Variants in MYO3B observed in about 807,000 individuals in gnomAD.
MYO3B encodes myosin-IIIb.
In MYO3B, 156 loss-of-function variants were observed where a neutral mutation model predicts 174.6. The observed-to-expected ratio is 0.89, with a 90% CI of 0.78 to 1.02. MYO3B has a LOEUF of 1.02. Ranked by LOEUF, MYO3B falls within the 50% of genes least tolerant of loss-of-function variation. The probability of loss-of-function intolerance (pLI) is 0.00; values close to 1 mark genes in which losing one functional copy is unlikely to be tolerated. For missense variants in MYO3B, 1,632 were observed against 1,639.4 expected (o/e 1.00, Z 0.08); for synonymous variants, 563 against 569.1 (o/e 0.99, Z 0.15).
rs768198095 is a variant in MYO3B at position 170,499,816 on chromosome 2, G to A, written c.3289+8G>A. 1 of 1,613,316 alleles carries A rather than the reference G, an allele frequency of 6.2e-7. No individual in the cohort carries two copies. Among genetic ancestry groups the A allele is most frequent in the South Asian group, 1.1e-5 (1 of 91,010 alleles). On this transcript the variant is annotated splice_region_variant and intron_variant, in intron 27 of 34. Coordinates refer to ENST00000408978, the MANE Select transcript of MYO3B (RefSeq NM_138995.5). The stretch of plus-strand genomic sequence containing the variant: ...CCATTGCCATCCAGTCAGGTAAATG[G>A]TCCTGTTCTCATAAATACTGCCCTG...
At chr2:170,240,017 C>T (rs1320669246) in intron 7 of MYO3B, among the ~76,000 whole-genome samples, 9 of 152,176 alleles carry the variant, frequency 5.9e-5, no homozygotes, top group African/African-American at 1.9e-4. Flanking sequence ...CAATCTCTGG[C>T]TTCGTTTTCA....
At chr2:170,296,382 T>C (rs578010888) in intron 7 of MYO3B, among the ~76,000 whole-genome samples, 1 of 152,322 alleles carries the variant, frequency 6.6e-6, no homozygotes, top group East Asian at 1.9e-4. Flanking sequence ...CCATTGGTGG[T>C]TAGTGGTACA....
chr2:170,533,727 A>C (rs1689506449), intron 30 of MYO3B, among the ~76,000 whole-genome samples: 1 of 152,262 alleles, frequency 6.6e-6, no homozygotes, highest in Non-Finnish European at 1.5e-5. Context: ...ATAAACAATA[A>C]GTAACCACAT....
At chr2:170,581,285 A>C (rs1465912380) in intron 32 of MYO3B, among the ~76,000 whole-genome samples, 1 of 152,162 alleles carries the variant, frequency 6.6e-6, no homozygotes, top group Non-Finnish European at 1.5e-5. Context: ...TCACTTTCTC[A>C]TGTGTTACTT....
intron 32 of MYO3B, chr2:170,601,605 C>T: frequency 2.5e-6 from 3 of 1,190,754 alleles, no homozygotes; most frequent in Non-Finnish European, 3.7e-6. Context: ...TAGGCTAGAA[C>T]CAACTTATTC....
chr2:170,537,448 ATTTTTTTTTTTT>A lies in MYO3B; in HGVS notation c.3576-5436_3576-5425del, dbSNP rs559086883. Among the ~76,000 whole-genome samples, 34 of 54,828 alleles carry A rather than the reference ATTTTTTTTTTTT, an allele frequency of 6.2e-4. No homozygotes were observed. In the East Asian group the frequency reaches 6.5e-3, roughly 11 times the overall value. The allele number at this position is 54,828 out of a possible 152,430, so 36.0% of individuals were successfully genotyped here. A position where few individuals can be genotyped will look rare whatever the true frequency, so the allele number is the denominator to read the frequency against. The stretch of plus-strand genomic sequence containing the variant: ...ACCTTCTCTTATTAAGAGCTCTTTG[ATTTTTTTTTTTT>A]TTTTTTTTTTTTTTTTTTTTTGGTG... On this transcript the variant is annotated intron_variant, in intron 30 of 34. Coordinates refer to ENST00000408978, the MANE Select transcript of MYO3B (RefSeq NM_138995.5).
intron 3 of MYO3B, among the ~76,000 whole-genome samples, chr2:170,211,606 C>T (rs1014911451): frequency 2.0e-5 from 3 of 152,134 alleles, no homozygotes; most frequent in East Asian, 1.9e-4. Flanking sequence ...AAAGGCTAAG[C>T]GTTGTTCATG....
At chr2:170,452,355 G>T (rs754164692) in intron 23 of MYO3B, among the ~76,000 whole-genome samples, 9 of 152,248 alleles carry the variant, frequency 5.9e-5, no homozygotes, top group Non-Finnish European at 1.2e-4. Flanking sequence ...CAGGAGTCCA[G>T]GCTTTTGAAA....
intron 32 of MYO3B, among the ~76,000 whole-genome samples, chr2:170,566,782 T>G (rs1692102862): frequency 6.6e-6 from 1 of 152,182 alleles, no homozygotes; most frequent in African/African-American, 2.4e-5. Context: ...TATATAAATC[T>G]GGAGTTCAAA....
chr2:170,383,401 G>A (rs905674526), intron 11 of MYO3B, among the ~76,000 whole-genome samples: 9 of 152,112 alleles, frequency 5.9e-5, no homozygotes, highest in African/African-American at 1.4e-4. Flanking sequence ...CATTTATTGC[G>A]TGCTTACTGC....
intron 8 of MYO3B, chr2:170,346,537 C>G (rs1243214808): frequency 6.6e-6 from 1 of 152,104 alleles, no homozygotes; most frequent in East Asian, 1.9e-4. Flanking sequence ...ACCATAAAAC[C>G]ATACTGTATT....
intron 25 of MYO3B, among the ~76,000 whole-genome samples, chr2:170,467,132 C>T (rs756627975): frequency 6.6e-6 from 1 of 152,126 alleles, no homozygotes; most frequent in African/African-American, 2.4e-5. Flanking sequence ...GAGTACAGGA[C>T]ATTTTAGGGC....
intron 23 of MYO3B, among the ~76,000 whole-genome samples, chr2:170,462,077 G>T (rs1314100098): frequency 6.6e-6 from 1 of 152,218 alleles, no homozygotes; most frequent in African/African-American, 2.4e-5. Context: ...TCTGCAGGTG[G>T]TGCTGGTGTG....
At chr2:170,500,077 G>C (rs905716559) in intron 27 of MYO3B, among the ~76,000 whole-genome samples, 1 of 152,148 alleles carries the variant, frequency 6.6e-6, no homozygotes, top group Admixed American at 6.5e-5. Flanking sequence ...ACTGTGTAGG[G>C]GTGAAAGAAA....
intron 19 of MYO3B, 126 bp downstream of exon 19, chr2:170,403,121 A>G: frequency 6.9e-6 from 6 of 871,600 alleles, no homozygotes; most frequent in Non-Finnish European, 9.8e-6. Context: ...AGGGTAAGGC[A>G]GTCCTGGCTA....
chr2:170,356,007 G>A (rs747151670), intron 8 of MYO3B, among the ~76,000 whole-genome samples: 6 of 151,810 alleles, frequency 4.0e-5, no homozygotes, highest in Admixed American at 2.0e-4. Flanking sequence ...TGTCGCCCAG[G>A]TGGAGTGCAG....
At chr2:170,179,103 T>C (rs975505669) in intron 1 of MYO3B, among the ~76,000 whole-genome samples, 1 of 152,096 alleles carries the variant, frequency 6.6e-6, no homozygotes, top group South Asian at 2.1e-4. Flanking sequence ...TCAGGATAAA[T>C]AGCTAATGCA....
At chr2:170,606,023 A>G (rs1575235686) in intron 32 of MYO3B, among the ~76,000 whole-genome samples, 1 of 151,992 alleles carries the variant, frequency 6.6e-6, no homozygotes, top group African/African-American at 2.4e-5. Context: ...CTTCCTCTTC[A>G]CTGCCACAAC....
At position 170,654,367 on chromosome 2, in the gene MYO3B, G is replaced by A. The variant is rs955174916; in HGVS notation, c.*1246G>A. 6.6e-6 allele frequency: 1 copy of A among 152,060 alleles called. No homozygotes were observed. The highest frequency in any genetic ancestry group is 1.5e-5 in the Non-Finnish European group (1 of 67,998). The allele number at this position is 152,060 out of a possible 1,614,324, so 9.4% of individuals were successfully genotyped here. A position where few individuals can be genotyped will look rare whatever the true frequency, so the allele number is the denominator to read the frequency against. On this transcript the variant is annotated 3_prime_UTR_variant, in exon 35 of 35. Coordinates refer to ENST00000408978, the MANE Select transcript of MYO3B (RefSeq NM_138995.5). ...TAGTATGCAAGAAAAGCCGGGTGCG[G>A]TGGCTCAGGCCTGTAATCCCAGCAC...
Sources: gnomAD v4.1 joint callset for allele counts (sites outside exome capture counted in the v4.1 genomes callset) on GRCh38, gnomAD v4.1.1 for gene constraint, MANE v1.5 for transcripts, NCBI Gene and HGNC (gene_info 2026-07-23, HGNC 2026-07-21) for gene names.